NCOA1: variants seen among roughly 807,000 people sequenced by gnomAD.
The protein encoded by NCOA1 is nuclear receptor coactivator 1.
Under a neutral mutation model 150.9 loss-of-function variants are expected in NCOA1, and 35 were observed. That is an observed-to-expected ratio of 0.23 (90% confidence interval 0.18 to 0.31). The LOEUF is 0.31. NCOA1 is among the 10% of genes least tolerant of loss of function. NCOA1 has a pLI of 1.00. For synonymous variants in NCOA1, 590 were observed against 630.0 expected (o/e 0.94, Z 0.95); for missense variants, 1,491 against 1,749.3 (o/e 0.85, Z 2.63).
chr2:24,725,347 T>G (rs1674563504), intron 14 of NCOA1, among the ~76,000 whole-genome samples: 1 of 152,122 alleles, frequency 6.6e-6, no homozygotes, highest in Non-Finnish European at 1.5e-5. Flanking sequence ...TAAAGTAGTT[T>G]TGGTTTCTTC....
intron 1 of NCOA1, among the ~76,000 whole-genome samples, chr2:24,542,189 A>T (rs1345259459): frequency 6.6e-6 from 1 of 152,222 alleles, no homozygotes; most frequent in African/African-American, 2.4e-5. Context: ...AACAGAGATG[A>T]TGCATAAGTA....
At chr2:24,724,536 A>G (rs915144818) in intron 14 of NCOA1, among the ~76,000 whole-genome samples, 13 of 152,124 alleles carry the variant, frequency 8.5e-5, no homozygotes, top group Non-Finnish European at 5.9e-5. Context: ...TTTTATTAGT[A>G]TGGGGATTTT....
chr2:24,661,634 C>T (rs1160402709), intron 5 of NCOA1, among the ~76,000 whole-genome samples: 2 of 151,976 alleles, frequency 1.3e-5, no homozygotes, highest in African/African-American at 4.8e-5. Context: ...TATTTTTGTG[C>T]ATGGTGTAAT....
intron 22 of NCOA1, among the ~76,000 whole-genome samples, chr2:24,763,495 A>C (rs1300932118): frequency 7.1e-6 from 1 of 141,366 alleles, no homozygotes; most frequent in Non-Finnish European, 1.5e-5. Context: ...AGCCGAGATC[A>C]CGCCACTGCA....
chr2:24,525,962 G>C (rs1664636303), intron 1 of NCOA1, among the ~76,000 whole-genome samples: 1 of 152,174 alleles, frequency 6.6e-6, no homozygotes, highest in Non-Finnish European at 1.5e-5. Context: ...CCATTTTGGT[G>C]TATCAGGCTT....
chr2:24,621,043 T>A (rs757078648), intron 3 of NCOA1, among the ~76,000 whole-genome samples: 1 of 152,142 alleles, frequency 6.6e-6, no homozygotes, highest in Admixed American at 6.5e-5. Flanking sequence ...AAGCTAGAAA[T>A]TTTTCCTTAT....
chr2:24,545,056 A>C (rs1665554080), intron 1 of NCOA1, among the ~76,000 whole-genome samples: 1 of 152,208 alleles, frequency 6.6e-6, no homozygotes, highest in African/African-American at 2.4e-5. Flanking sequence ...TACATAGCCT[A>C]GTATACATAC....
chr2:24,618,261 GTTCAACTACTCATTATA>G, intron 3 of NCOA1, among the ~76,000 whole-genome samples: 2 of 152,248 alleles, frequency 1.3e-5, no homozygotes, highest in South Asian at 4.1e-4. Context: ...TTGCTGCTTA[GTTCAACTACTCATTATA>G]TCTGGATAAG....
Position 24,736,927 on chromosome 2 carries a change from T to G in NCOA1, c.3202-2505T>G, listed in dbSNP as rs370515504. ...TTTAGGTTTCCTATAGGAGGACTTC[T>G]TGGTAAAGCACTGGGAAGAAAATCC... On this transcript the variant is annotated intron_variant, in intron 17 of 22. Coordinates refer to ENST00000348332, the MANE Select transcript of NCOA1 (RefSeq NM_003743.5). 1.7e-3 allele frequency among the ~76,000 whole-genome samples: 255 copies of G among 152,334 alleles called. 6 individuals carry two copies. In the South Asian group the frequency reaches 0.041, roughly 25 times the overall value.
chr2:24,649,635 A>G (rs1670625496), intron 4 of NCOA1, among the ~76,000 whole-genome samples: 1 of 152,242 alleles, frequency 6.6e-6, no homozygotes, highest in African/African-American at 2.4e-5. Context: ...AATAAGGCAA[A>G]TGTTTATTCT....
intron 1 of NCOA1, among the ~76,000 whole-genome samples, chr2:24,539,020 G>C (rs547861972): frequency 6.6e-6 from 1 of 152,320 alleles, no homozygotes; most frequent in South Asian, 2.1e-4. Flanking sequence ...ATAAAATACT[G>C]TATGTTCTTA....
rs556649934 is a variant in NCOA1, at chr2:24,729,929, G to A, written c.3201+114G>A. 45 of 1,131,668 alleles carry A rather than the reference G, an allele frequency of 4.0e-5. 1 individual carries two copies. The Admixed American group carries it at 6.3e-4, about 16-fold the overall frequency. The allele number at this position is 1,131,668 out of a possible 1,614,324, so 70.1% of individuals were successfully genotyped here. A position where few individuals can be genotyped will look rare whatever the true frequency, so the allele number is the denominator to read the frequency against. On this transcript the variant is annotated intron_variant, in intron 17 of 22. Transcript: ENST00000348332. ...AGTGCTATCTCAGCCCACTGCAACC[G>A]CCGCCTCCCAGGTTCAAGCAATTCT... is the stretch of plus-strand genomic sequence containing the variant.
At chr2:24,545,746 A>G (rs1665580933) in intron 1 of NCOA1, among the ~76,000 whole-genome samples, 1 of 152,200 alleles carries the variant, frequency 6.6e-6, no homozygotes, top group Non-Finnish European at 1.5e-5. Flanking sequence ...ATGTGGCTCT[A>G]AATTTAACCA....
rs1203691593 is a variant in NCOA1, at chr2:24,491,530, C to CCAG, written c.-468_-467insCAG. 6.1e-5 allele frequency among the ~76,000 whole-genome samples: 9 copies of CCAG among 146,962 alleles called. No individual in the cohort carries two copies. The highest frequency in any genetic ancestry group is 1.5e-4 in the African/African-American group (6 of 40,764). ...GCCGGGCCCGAGGAGCGGCGGAGGC[C>CCAG]GGGGCGGCGCCGCCGCCACGGTCGC... is the stretch of plus-strand genomic sequence containing the variant. On this transcript the variant is annotated 5_prime_UTR_variant, in exon 1 of 23. Coordinates refer to ENST00000348332, the MANE Select transcript of NCOA1 (RefSeq NM_003743.5).
At chr2:24,590,659 C>A (rs1667616889) in intron 3 of NCOA1, among the ~76,000 whole-genome samples, 1 of 152,118 alleles carries the variant, frequency 6.6e-6, no homozygotes, top group Non-Finnish European at 1.5e-5. Context: ...CCTGTGTGGA[C>A]CCATGGCACT....
chr2:24,710,256 G>C (rs1189987746), intron 13 of NCOA1, among the ~76,000 whole-genome samples: 1 of 151,986 alleles, frequency 6.6e-6, no homozygotes, highest in Non-Finnish European at 1.5e-5. Flanking sequence ...ACGATGCCTG[G>C]CTAATTTTTG....
chr2:24,737,890 A>C (rs1221991818), intron 17 of NCOA1, among the ~76,000 whole-genome samples: 1 of 152,232 alleles, frequency 6.6e-6, no homozygotes. Flanking sequence ...GTTTTTAAGT[A>C]AATCTTTATA....
At chr2:24,622,059 A>G (rs1262165468) in intron 3 of NCOA1, among the ~76,000 whole-genome samples, 1 of 152,208 alleles carries the variant, frequency 6.6e-6, no homozygotes, top group African/African-American at 2.4e-5. Context: ...CCACTTACAT[A>G]TCCAGCAAAA....
At chr2:24,600,288 C>T (rs1346965160) in intron 3 of NCOA1, among the ~76,000 whole-genome samples, 1 of 152,180 alleles carries the variant, frequency 6.6e-6, no homozygotes, top group Non-Finnish European at 1.5e-5. Context: ...TCACTGCAAC[C>T]TCTGCCTCCC....
Sources: allele counts gnomAD v4.1 joint callset (sites outside exome capture counted in the v4.1 genomes callset), GRCh38; gene constraint gnomAD v4.1.1; transcripts MANE v1.5; gene names NCBI Gene and HGNC (gene_info 2026-07-23, HGNC 2026-07-21).